FRMD6: variants seen among roughly 807,000 people sequenced by gnomAD.
FRMD6 encodes the protein FERM domain containing 6, also known as FERM domain-containing protein 6.
A neutral mutation model predicts 73.2 loss-of-function variants in FRMD6; 37 were observed. The ratio of observed to expected loss-of-function variants is 0.51; its 90% CI spans 0.39 to 0.66. FRMD6 has a LOEUF of 0.66. Among genes scored for constraint, FRMD6 ranks in the 30% least tolerant of loss-of-function variants. The probability of loss-of-function intolerance (pLI) is 0.00; values close to 1 mark genes in which losing one functional copy is unlikely to be tolerated. For synonymous variants in FRMD6, 273 were observed against 282.2 expected (o/e 0.97, Z 0.33); for missense variants, 714 against 780.5 (o/e 0.91, Z 1.02).
the FRMD6 span, among the ~76,000 whole-genome samples, chr14:51,430,629 A>G: frequency 6.6e-6 from 1 of 152,038 alleles, no homozygotes; most frequent in African/African-American, 2.4e-5. Context: ...ACAACAAAAA[A>G]AACCCTCTGT....
intron 1 of FRMD6, among the ~76,000 whole-genome samples, chr14:51,559,316 C>A (rs1246033719): frequency 6.6e-6 from 1 of 152,196 alleles, no homozygotes; most frequent in African/African-American, 2.4e-5. Context: ...TTCTGCAAGA[C>A]TTCAACCATC....
At chr14:51,455,864 T>C in the FRMD6 span, among the ~76,000 whole-genome samples, 2 of 152,160 alleles carry the variant, frequency 1.3e-5, no homozygotes, top group African/African-American at 4.8e-5. Context: ...GCCAGATAGA[T>C]GCAAAGATGG....
intron 1 of FRMD6, among the ~76,000 whole-genome samples, chr14:51,661,348 T>C (rs1312316459): frequency 2.0e-5 from 3 of 152,182 alleles, no homozygotes; most frequent in Non-Finnish European, 4.4e-5. Flanking sequence ...AAAGTAATTA[T>C]GCACGTTTTT....
chr14:51,532,021 A>G (rs1223874597), intron 1 of FRMD6, among the ~76,000 whole-genome samples: 1 of 152,226 alleles, frequency 6.6e-6, no homozygotes, highest in Non-Finnish European at 1.5e-5. Flanking sequence ...TTACCACCAC[A>G]TCGCTGAATA....
rs143710280 is a variant in FRMD6 at position 51,633,621 on chromosome 14, A to AAAAAAAAAAAAAAG, written c.-146-56070_-146-56069insAAAAAAAAAAAAAG. 8.1e-5 allele frequency among the ~76,000 whole-genome samples: 8 copies of AAAAAAAAAAAAAAG among 99,368 alleles called. 1 individual carries two copies. The highest frequency in any genetic ancestry group is 6.3e-4 in the South Asian group (2 of 3,170). The allele number at this position is 99,368 out of a possible 152,430, so 65.2% of individuals were successfully genotyped here. On this transcript the variant is annotated intron_variant, in intron 2 of 14. Coordinates refer to the FRMD6 transcript ENST00000356218. ...GTCAAAAAAAAAAAAAAAAAAAAAAAGAAATAATTATATGTCATAGTTTAA... is the reference window on the plus strand; with the variant it reads ...GTCAAAAAAAAAAAAAAAAAAAAAAAAAAAAAAAAAAAAGGAAATAATTATATGTCATAGTTTAA...
At chr14:51,437,205 G>A in the FRMD6 span, among the ~76,000 whole-genome samples, 24 of 151,998 alleles carry the variant, frequency 1.6e-4, no homozygotes, top group African/African-American at 5.3e-4. Flanking sequence ...CTCATTGTTC[G>A]ACTCCCACCT....
chr14:51,633,019 T>C lies in FRMD6; in HGVS notation c.-146-56672T>C, dbSNP rs1891396287. On this transcript the variant is annotated intron_variant, in intron 2 of 14. Coordinates refer to the FRMD6 transcript ENST00000356218. ...AAAATGGCATTTTTAAGAGGCAAAC[T>C]CATGCATTTCGTGTAAAATATCAAG... 2.6e-5 allele frequency among the ~76,000 whole-genome samples: 4 copies of C among 152,194 alleles called. No homozygotes were observed. In the South Asian group the frequency reaches 6.2e-4, roughly 24 times the overall value.
At chr14:51,594,993 G>A (rs1211593080) in intron 2 of FRMD6, among the ~76,000 whole-genome samples, 1 of 152,210 alleles carries the variant, frequency 6.6e-6, no homozygotes, top group East Asian at 1.9e-4. Flanking sequence ...AGAATGATGA[G>A]CTGTTGGGTT....
chr14:51,712,552 G>T lies in FRMD6; in HGVS notation c.849+1G>T. ...AAATGTTGGAAAATTGGTGTTTGTGGTAAGTTTAAAATAACTGGCTTAAAA... is the reference window on the plus strand; with the variant it reads ...AAATGTTGGAAAATTGGTGTTTGTGTTAAGTTTAAAATAACTGGCTTAAAA... On this transcript the variant is annotated splice_donor_variant, in intron 9 of 13. Transcript: ENST00000344768. LOFTEE classifies it high-confidence loss of function. 1 of 1,583,698 alleles carries T rather than the reference G, an allele frequency of 6.3e-7. No homozygotes were observed. Among genetic ancestry groups the T allele is most frequent in the Non-Finnish European group, 8.7e-7 (1 of 1,153,508 alleles).
intron 11 of FRMD6, among the ~76,000 whole-genome samples, chr14:51,721,294 T>C (rs941715608): frequency 2.5e-4 from 38 of 152,194 alleles, no homozygotes; most frequent in African/African-American, 8.0e-4. Flanking sequence ...AAAACACATA[T>C]AGGTAATGCA....
chr14:51,467,855 T>C, the FRMD6 span, among the ~76,000 whole-genome samples: 11 of 149,472 alleles, frequency 7.4e-5, no homozygotes, highest in South Asian at 2.1e-4. Flanking sequence ...GATGGGCGGC[T>C]GGGCAGAGAC....
At chr14:51,612,668 G>C (rs532612447) in intron 2 of FRMD6, among the ~76,000 whole-genome samples, 21 of 152,192 alleles carry the variant, frequency 1.4e-4, no homozygotes, top group Admixed American at 6.5e-4. Flanking sequence ...TGCTCATCAT[G>C]GAATAAGAGG....
chr14:51,442,670 A>G, the FRMD6 span, among the ~76,000 whole-genome samples: 1 of 152,190 alleles, frequency 6.6e-6, no homozygotes, highest in African/African-American at 2.4e-5. Context: ...ATGCTATTCT[A>G]GTGACTACTC....
intron 1 of FRMD6, among the ~76,000 whole-genome samples, chr14:51,661,021 A>G (rs1004556322): frequency 1.1e-4 from 17 of 152,172 alleles, no homozygotes; most frequent in African/African-American, 4.1e-4. Flanking sequence ...TGGAGAGCAC[A>G]TGTTTGGCTT....
chr14:51,683,072 A>G (rs1438314032), intron 1 of FRMD6, among the ~76,000 whole-genome samples: 2 of 152,168 alleles, frequency 1.3e-5, no homozygotes, highest in South Asian at 2.1e-4. Flanking sequence ...TAAAATTTCA[A>G]AGGAGTAACC....
chr14:51,512,928 C>G (rs1884399891), intron 1 of FRMD6, among the ~76,000 whole-genome samples: 1 of 152,156 alleles, frequency 6.6e-6, no homozygotes, highest in Non-Finnish European at 1.5e-5. Context: ...TCCTTCCCAG[C>G]AGTGAAAAGT....
At chr14:51,592,223 A>G (rs1889439625) in intron 2 of FRMD6, among the ~76,000 whole-genome samples, 1 of 152,210 alleles carries the variant, frequency 6.6e-6, no homozygotes, top group Non-Finnish European at 1.5e-5. Flanking sequence ...ATTCAGCTCC[A>G]TTGAGAGTTT....
intron 1 of FRMD6, among the ~76,000 whole-genome samples, chr14:51,497,100 A>G (rs773497280): frequency 1.7e-4 from 26 of 152,218 alleles, no homozygotes; most frequent in Non-Finnish European, 3.1e-4. Flanking sequence ...TAATTGGTCC[A>G]TAGTAATTCT....
intron 1 of FRMD6, among the ~76,000 whole-genome samples, chr14:51,561,952 C>A (rs944095269): frequency 6.6e-6 from 1 of 152,078 alleles, no homozygotes; most frequent in Non-Finnish European, 1.5e-5. Flanking sequence ...GGTGTTAAAC[C>A]ATTTTCTAAA....
Sources: allele counts gnomAD v4.1 joint callset (sites outside exome capture counted in the v4.1 genomes callset), GRCh38; gene constraint gnomAD v4.1.1; transcripts MANE v1.5; gene names NCBI Gene and HGNC (gene_info 2026-07-23, HGNC 2026-07-21).